The following ESRRB variants were observed in gnomAD, a reference collection of about 807,000 sequenced individuals.
ESRRB encodes the protein steroid hormone receptor ERR2.
A neutral mutation model predicts 46.0 loss-of-function variants in ESRRB; 16 were observed. The observed-to-expected ratio is 0.35, with a 90% CI of 0.24 to 0.53. The LOEUF is 0.53. Ranked by LOEUF, ESRRB falls within the 20% of genes least tolerant of loss-of-function variation. ESRRB has a pLI of 0.93. For missense variants in ESRRB, 488 were observed against 607.4 expected (o/e 0.80, Z 2.07); for synonymous variants, 246 against 259.6 (o/e 0.95, Z 0.50).
intron 1 of ESRRB, among the ~76,000 whole-genome samples, chr14:76,325,101 A>G (rs1236756616): frequency 1.3e-5 from 2 of 150,378 alleles, no homozygotes; most frequent in African/African-American, 4.9e-5. Context: ...AGTAGCTGGG[A>G]TTACAGCTGT....
chr14:76,456,263 T>C (rs1888609237), intron 2 of ESRRB, among the ~76,000 whole-genome samples: 1 of 152,188 alleles, frequency 6.6e-6, no homozygotes. Flanking sequence ...ACTTTCCTCA[T>C]TCTCTGAGAC....
At chr14:76,398,890 C>T (rs1437086355) in intron 1 of ESRRB, among the ~76,000 whole-genome samples, 1 of 152,206 alleles carries the variant, frequency 6.6e-6, no homozygotes, top group East Asian at 1.9e-4. Flanking sequence ...TCACCACCAC[C>T]ATCCTGCATT....
At chr14:76,405,799 G>C (rs1361364730) in intron 1 of ESRRB, among the ~76,000 whole-genome samples, 1 of 151,888 alleles carries the variant, frequency 6.6e-6, no homozygotes. Flanking sequence ...TTAGCTACTA[G>C]GAAGGCTGAG....
intron 3 of ESRRB, among the ~76,000 whole-genome samples, chr14:76,477,011 G>A (rs961154544): frequency 6.6e-6 from 1 of 152,228 alleles, no homozygotes; most frequent in African/African-American, 2.4e-5. Context: ...AGAATGGCTT[G>A]AACCTGGGAG....
At position 76,491,538 on chromosome 14, in the gene ESRRB, G is replaced by A; in HGVS notation, c.942G>A (p.Leu314=). 1.3e-6 allele frequency: 2 copies of A among 1,597,042 alleles called. No homozygotes were observed. The highest frequency in any genetic ancestry group is 1.7e-6 in the Non-Finnish European group (2 of 1,172,260). Residue 314 remains leucine, a synonymous_variant, in exon 6 of 7, where the codon CTG becomes CTA. Transcript: ENST00000644823. ...ILILGIVYRS[L]PYDDKLVYAE... is the part of the protein sequence containing the mutation. ...TCCTGGGCATCGTGTACCGCTCGCTGCCCTATGACGACAAGCTGGTGTACG... is the reference window on the plus strand; with the variant it reads ...TCCTGGGCATCGTGTACCGCTCGCTACCCTATGACGACAAGCTGGTGTACG...
chr14:76,394,601 C>T (rs1279093016), intron 1 of ESRRB, among the ~76,000 whole-genome samples: 1 of 152,208 alleles, frequency 6.6e-6, no homozygotes, highest in Admixed American at 6.5e-5. Flanking sequence ...TGATGAGGGC[C>T]TTGGCTACAG....
chr14:76,439,367 A>G lies in ESRRB; in HGVS notation c.77A>G (p.Asp26Gly). The G allele has an allele frequency of 6.2e-7, 1 of 1,613,684 alleles. No individual in the cohort carries two copies. The highest frequency in any genetic ancestry group is 8.5e-7 in the Non-Finnish European group (1 of 1,180,026). The change falls in exon 2 of 7, where the codon GAC becomes GGC. Residue 26 changes from aspartate (D) to glycine (G), a missense_variant. Coordinates refer to ENST00000644823, the MANE Select transcript of ESRRB (RefSeq NM_001379180.1). ...CTGCTGAACAGGATGTCCTCGGACG[A>G]CAGGCACCTGGGCTCCAGCTGCGGC... ...NQLLNRMSSD[D>G]RHLGSSCGSF...
intron 1 of ESRRB, among the ~76,000 whole-genome samples, chr14:76,349,203 T>A (rs537204130): frequency 6.6e-6 from 1 of 152,324 alleles, no homozygotes; most frequent in Non-Finnish European, 1.5e-5. Flanking sequence ...CCGGAGTGGC[T>A]GAGCTGCTAT....
chr14:76,406,271 G>A (rs1290443129), intron 1 of ESRRB, among the ~76,000 whole-genome samples: 1 of 152,120 alleles, frequency 6.6e-6, no homozygotes, highest in Non-Finnish European at 1.5e-5. Context: ...ATGTCTCTGA[G>A]GGTCTCTGAG....
Position 76,385,616 on chromosome 14 carries a change from C to T in ESRRB, c.50+9165C>T, listed in dbSNP as rs140012405. On this transcript the variant is annotated intron_variant, in intron 1 of 6. Coordinates refer to ENST00000644823, the MANE Select transcript of ESRRB (RefSeq NM_001379180.1). ...ACACATCTTCCTCAGTTGTTAAGGC[C>T]AGCTTACTGCTGACTGTTACGGGGT... is the stretch of plus-strand genomic sequence containing the variant. Among the ~76,000 whole-genome samples, 769 of 152,246 alleles carry T rather than the reference C, an allele frequency of 5.1e-3. 2 individuals are homozygous for T. The highest frequency in any genetic ancestry group is 0.01 in the Middle Eastern group (3 of 294).
chr14:76,405,071 G>T (rs1238068149), intron 1 of ESRRB, among the ~76,000 whole-genome samples: 1 of 152,138 alleles, frequency 6.6e-6, no homozygotes, highest in East Asian at 1.9e-4. Flanking sequence ...GTTTGGGAAG[G>T]ATGGGCTCGC....
chr14:76,333,121 ATATATAT>A (rs1382359540), intron 1 of ESRRB, among the ~76,000 whole-genome samples: 124 of 7,794 alleles, frequency 0.016, 21 homozygotes, highest in Admixed American at 0.028. Context: ...AATATATAAT[ATATATAT>A]TATATATTAT....
chr14:76,342,103 G>A (rs139304418), intron 1 of ESRRB, among the ~76,000 whole-genome samples: 3 of 152,296 alleles, frequency 2.0e-5, no homozygotes, highest in East Asian at 1.9e-4. Flanking sequence ...AGAAGGATAA[G>A]GTGAAGTCTC....
chr14:76,371,912 T>A (rs1181805371), upstream of ESRRB, among the ~76,000 whole-genome samples: 2 of 152,104 alleles, frequency 1.3e-5, no homozygotes, highest in African/African-American at 4.8e-5. Flanking sequence ...AGGGAGGGGA[T>A]TTGAGGACCT....
chr14:76,467,919 C>G (rs898152333), intron 3 of ESRRB, among the ~76,000 whole-genome samples: 3 of 152,290 alleles, frequency 2.0e-5, no homozygotes, highest in Middle Eastern at 3.4e-3. Context: ...CTCCATTTCT[C>G]CCCCACTCAG....
intron 2 of ESRRB, among the ~76,000 whole-genome samples, chr14:76,443,029 T>C (rs1449982837): frequency 6.6e-6 from 1 of 152,010 alleles, no homozygotes; most frequent in Non-Finnish European, 1.5e-5. Flanking sequence ...TTGGCTAGGC[T>C]GGTCTCAAAC....
chr14:76,500,330 G>C lies in ESRRB; in HGVS notation c.*1872G>C. The C allele has an allele frequency of 1.7e-6, 1 of 588,296 alleles. No homozygotes were observed. Among genetic ancestry groups the C allele is most frequent in the Non-Finnish European group, 3.0e-6 (1 of 331,370 alleles). The allele number at this position is 588,296 out of a possible 1,614,324, so 36.4% of individuals were successfully genotyped here. A position where few individuals can be genotyped will look rare whatever the true frequency, so the allele number is the denominator to read the frequency against. On this transcript the variant is annotated 3_prime_UTR_variant, in exon 7 of 7. Transcript: ENST00000644823. ...GTGGGGAATCGGGTCTGAGTCACTT[G>C]ATGAGTAGGCACTGGAGCCGTTACC...
chr14:76,402,670 A>G (rs1194857658), intron 1 of ESRRB, among the ~76,000 whole-genome samples: 1 of 152,186 alleles, frequency 6.6e-6, no homozygotes, highest in Non-Finnish European at 1.5e-5. Flanking sequence ...AAAGGACTCA[A>G]GAGAGAACTT....
At chr14:76,353,517 A>G (rs1012877370) in intron 1 of ESRRB, among the ~76,000 whole-genome samples, 1 of 152,162 alleles carries the variant, frequency 6.6e-6, no homozygotes, top group Non-Finnish European at 1.5e-5. Context: ...ATCATTTATG[A>G]ACCGCTAAGC....
Sources: gnomAD v4.1 joint callset for allele counts (sites outside exome capture counted in the v4.1 genomes callset) on GRCh38, gnomAD v4.1.1 for gene constraint, MANE v1.5 for transcripts, NCBI Gene and HGNC (gene_info 2026-07-23, HGNC 2026-07-21) for gene names.